MIS18BP1: variants seen among roughly 807,000 people sequenced by gnomAD.
MIS18BP1 encodes the protein mis18-binding protein 1.
Under a neutral mutation model 116.1 loss-of-function variants are expected in MIS18BP1, and 72 were observed. The ratio of observed to expected loss-of-function variants is 0.62; its 90% CI spans 0.51 to 0.75. MIS18BP1 has a LOEUF of 0.75. MIS18BP1 is among the 30% of genes least tolerant of loss of function. MIS18BP1 has a pLI of 0.00. For missense variants in MIS18BP1, 1,363 were observed against 1,303.2 expected (o/e 1.05, Z -0.71); for synonymous variants, 386 against 427.0 (o/e 0.90, Z 1.18).
At chr14:45,218,000 T>G (rs992810973) in intron 12 of MIS18BP1, among the ~76,000 whole-genome samples, 3 of 152,186 alleles carry the variant, frequency 2.0e-5, no homozygotes, top group Non-Finnish European at 1.5e-5. Context: ...CAAGTGGTCT[T>G]TAATTAAACC....
chr14:45,216,497 T>G (rs1331142583), intron 13 of MIS18BP1, among the ~76,000 whole-genome samples: 2 of 152,206 alleles, frequency 1.3e-5, no homozygotes, highest in African/African-American at 4.8e-5. Context: ...TTTCCTGTGA[T>G]CTTGGTACTT....
intron 5 of MIS18BP1, among the ~76,000 whole-genome samples, chr14:45,236,221 A>G (rs370608037): frequency 1.3e-5 from 2 of 152,208 alleles, no homozygotes; most frequent in Admixed American, 1.3e-4. Context: ...GATGCTGGCA[A>G]TAAATACTTG....
chr14:45,242,997 C>A, intron 2 of MIS18BP1, 123 bp from the exon 3 acceptor site: 1 of 607,208 alleles, frequency 1.6e-6, no homozygotes, highest in Non-Finnish European at 2.8e-6. Context: ...CAGTATAGTA[C>A]TTTTGCAATA....
At position 45,223,973 on chromosome 14, in the gene MIS18BP1, G is replaced by T; in HGVS notation, c.2614C>A (p.Pro872Thr). 1 of 1,606,618 alleles carries T rather than the reference G, an allele frequency of 6.2e-7. No individual in the cohort carries two copies. ...KTNRHPLECLPGLIQDKEWNE... is the reference protein window; with the variant it reads ...KTNRHPLECLTGLIQDKEWNE... Reference sequence around the variant, plus strand: ...CATTCCTTATCCTGAATTAAACCAGGTAAGCATTCTAAGGGATGCCTATTT... The same window carrying T: ...CATTCCTTATCCTGAATTAAACCAGTTAAGCATTCTAAGGGATGCCTATTT... The change falls in exon 11 of 17, where the codon CCT becomes ACT. Residue 872 changes from proline (P) to threonine (T), a missense_variant. Pro to Thr is a conservative substitution (Grantham distance 38). Coordinates refer to ENST00000310806, the MANE Select transcript of MIS18BP1 (RefSeq NM_018353.5).
At chr14:45,235,997 T>G in intron 5 of MIS18BP1, 53 bp from the exon 6 acceptor site, 4 of 1,450,444 alleles carry the variant, frequency 2.8e-6, no homozygotes, top group African/African-American at 1.4e-5. Context: ...TAGAAATTTC[T>G]AACAGAAAAT....
At chr14:45,236,572 T>G (rs1424733001) in intron 5 of MIS18BP1, among the ~76,000 whole-genome samples, 1 of 152,186 alleles carries the variant, frequency 6.6e-6, no homozygotes, top group African/African-American at 2.4e-5. Flanking sequence ...ATAATAAACA[T>G]ACTGATGATA....
At chr14:45,224,821 AT>A in intron 10 of MIS18BP1, 75 bp from the exon 11 acceptor site, 1 of 1,073,064 alleles carries the variant, frequency 9.3e-7, no homozygotes, top group East Asian at 2.5e-5. Context: ...CAGAAAATAT[AT>A]TTTCACAAAT....
chr14:45,230,128 T>C (rs1476921278), intron 8 of MIS18BP1, among the ~76,000 whole-genome samples: 2 of 152,226 alleles, frequency 1.3e-5, no homozygotes, highest in Non-Finnish European at 2.9e-5. Context: ...CTTTCAAGTT[T>C]TGGAAGTTCT....
intron 13 of MIS18BP1, among the ~76,000 whole-genome samples, chr14:45,215,861 T>C (rs1222104554): frequency 6.6e-6 from 1 of 151,734 alleles, no homozygotes; most frequent in African/African-American, 2.4e-5. Context: ...GCCGCCACCA[T>C]GCCTAGCTAA....
Position 45,230,025 on chromosome 14 carries a change from G to C in MIS18BP1, c.1594+1116C>G, listed in dbSNP as rs201267479. ...GATAAGCAAAGTTTCAAGGGTGGAA[G>C]TTCAAATGCGGGTTGGGGAGTGGTT... On this transcript the variant is annotated intron_variant, in intron 8 of 16. Transcript: ENST00000310806. Among the ~76,000 whole-genome samples the C allele has an allele frequency of 2.6e-5, 4 of 152,186 alleles. No individual in the cohort carries two copies. The East Asian group carries it at 7.7e-4, about 29-fold the overall frequency.
chr14:45,252,049 T>A (rs994587268), intron 1 of MIS18BP1, among the ~76,000 whole-genome samples: 5 of 152,208 alleles, frequency 3.3e-5, no homozygotes, highest in African/African-American at 1.2e-4. Context: ...CTGTTATTAC[T>A]CCCAATTTGA....
intron 12 of MIS18BP1, 45 bp from the exon 13 acceptor site, chr14:45,217,224 A>G: frequency 2.5e-6 from 4 of 1,588,714 alleles, no homozygotes; most frequent in Non-Finnish European, 2.6e-6. Flanking sequence ...GGTTATTTAT[A>G]GTAACTGCTC....
chr14:45,213,221 G>T (rs550072376), intron 13 of MIS18BP1, among the ~76,000 whole-genome samples: 22 of 152,248 alleles, frequency 1.4e-4, no homozygotes, highest in African/African-American at 5.3e-4. Flanking sequence ...TTTCTTCTGA[G>T]GAGGTAAGAA....
At chr14:45,208,343 T>TC (rs1327052411) in intron 14 of MIS18BP1, among the ~76,000 whole-genome samples, 1 of 150,066 alleles carries the variant, frequency 6.7e-6, no homozygotes, top group Non-Finnish European at 1.5e-5. Flanking sequence ...TTTTTTTTTT[T>TC]TTTTTTGGAG....
chr14:45,243,908 C>T (rs1418263854), intron 2 of MIS18BP1, among the ~76,000 whole-genome samples: 1 of 152,094 alleles, frequency 6.6e-6, no homozygotes, highest in East Asian at 1.9e-4. Flanking sequence ...ACCAGATTCT[C>T]AAAATGGTCA....
Position 45,247,092 on chromosome 14 carries a change from T to C in MIS18BP1, c.195A>G (p.Lys65=). The C allele has an allele frequency of 6.2e-7, 1 of 1,612,160 alleles. No homozygotes were observed. The highest frequency in any genetic ancestry group is 1.1e-5 in the South Asian group (1 of 90,566). The change falls in exon 2 of 17, where the codon AAA becomes AAG. Residue 65 remains lysine, a synonymous_variant. Transcript: ENST00000310806. ...TATTTTTATTGTTAAAAGTTGTCAT[T>C]TTTAGGAACTGATTCTTTTTATGGT... ...LNDHKKNQFL[K]MTTFNNKNIF...
At chr14:45,208,323 TGAA>T (rs1224939623) in intron 14 of MIS18BP1, among the ~76,000 whole-genome samples, 2 of 149,938 alleles carry the variant, frequency 1.3e-5, no homozygotes, top group Non-Finnish European at 1.5e-5. Flanking sequence ...GCCAAAAGGA[TGAA>T]GTTGTTTTTT....
At chr14:45,230,777 G>A (rs2139202063) in intron 8 of MIS18BP1, among the ~76,000 whole-genome samples, 1 of 152,154 alleles carries the variant, frequency 6.6e-6, no homozygotes, top group Admixed American at 6.6e-5. Context: ...GCACTACCAT[G>A]TGTGGCTAAT....
At position 45,232,733 on chromosome 14, in the gene MIS18BP1, C is replaced by G; in HGVS notation, c.1436G>C (p.Arg479Thr). 7.1e-7 allele frequency: 1 copy of G among 1,417,802 alleles called. No homozygotes were observed. The highest frequency in any genetic ancestry group is 9.6e-7 in the Non-Finnish European group (1 of 1,037,238). The allele number at this position is 1,417,802 out of a possible 1,614,324, so 87.8% of individuals were successfully genotyped here. ...CTAAAAACATAAAACAACATTTTAC[C>G]TTAATTGTTCCAGAAAATTATCAAT... ...EHIDNFLEQL[R>T]AGEKNREKTK... is the part of the protein sequence containing the mutation. Residue 479 changes from arginine (R) to threonine (T), a missense_variant and splice_region_variant, in exon 7 of 17, where the codon AGG (arginine) becomes ACG (threonine). Physicochemically the swap from Arg to Thr is moderately conservative, Grantham distance 71. Transcript: ENST00000310806.
Sources: gnomAD v4.1 joint callset for allele counts (sites outside exome capture counted in the v4.1 genomes callset) on GRCh38, gnomAD v4.1.1 for gene constraint, MANE v1.5 for transcripts, NCBI Gene and HGNC (gene_info 2026-07-23, HGNC 2026-07-21) for gene names.